The following OSBPL1A variants were observed in gnomAD, a reference collection of about 807,000 sequenced individuals.
The protein encoded by OSBPL1A is oxysterol-binding protein-related protein 1.
In OSBPL1A, 80 loss-of-function variants were observed where a neutral mutation model predicts 137.1. The observed-to-expected ratio is 0.58, with a 90% confidence interval of 0.49 to 0.70. The LOEUF is 0.70. OSBPL1A is among the 30% of genes least tolerant of loss of function. OSBPL1A has a pLI of 0.00. For missense variants in OSBPL1A, 970 were observed against 1,129.4 expected (o/e 0.86, Z 2.02); for synonymous variants, 365 against 389.7 (o/e 0.94, Z 0.75).
At chr18:24,380,809 AGGCATGGT>A (rs1267276475) in intron 1 of OSBPL1A, among the ~76,000 whole-genome samples, 1 of 152,136 alleles carries the variant, frequency 6.6e-6, no homozygotes, top group African/African-American at 2.4e-5. Context: ...AAAATTAGCC[AGGCATGGT>A]GGCACATGCC....
chr18:24,395,834 C>A (rs1907698721), intron 1 of OSBPL1A, among the ~76,000 whole-genome samples: 1 of 150,932 alleles, frequency 6.6e-6, no homozygotes. Context: ...TTTGGCCAGG[C>A]TGCTCTCGAA....
At chr18:24,166,489 C>T in intron 26 of OSBPL1A, 90 bp downstream of exon 26, 7 of 1,454,026 alleles carry the variant, frequency 4.8e-6, no homozygotes, top group South Asian at 1.4e-5. Context: ...ACGCTAGTAC[C>T]CCAATGATGC....
intron 16 of OSBPL1A, among the ~76,000 whole-genome samples, chr18:24,230,755 G>C (rs1240725764): frequency 1.3e-5 from 2 of 152,072 alleles, no homozygotes; most frequent in East Asian, 1.9e-4. Flanking sequence ...GGAAACTTCT[G>C]ACCCCTGAAA....
At position 24,319,475 on chromosome 18, in the gene OSBPL1A, C is replaced by G. The variant is rs1001964744; in HGVS notation, c.626-666G>C. 3.3e-5 allele frequency among the ~76,000 whole-genome samples: 5 copies of G among 152,274 alleles called. No homozygotes were observed. The East Asian group carries it at 7.7e-4, about 24-fold the overall frequency. Reference sequence around the variant, plus strand: ...ATGGGTAGCAGAGATGGCTCACAAGCTGAGGGTGTGATGGTCCACAATTTA... The same window carrying G: ...ATGGGTAGCAGAGATGGCTCACAAGGTGAGGGTGTGATGGTCCACAATTTA... On this transcript the variant is annotated intron_variant, in intron 7 of 27. Coordinates refer to ENST00000319481, the MANE Select transcript of OSBPL1A (RefSeq NM_080597.4).
intron 14 of OSBPL1A, among the ~76,000 whole-genome samples, chr18:24,300,772 C>A (rs927104369): frequency 1.3e-5 from 2 of 152,208 alleles, no homozygotes; most frequent in Non-Finnish European, 1.5e-5. Flanking sequence ...AAGTCACTGG[C>A]AGACTATGTA....
At chr18:24,167,639 C>T (rs1302937066) in intron 24 of OSBPL1A, among the ~76,000 whole-genome samples, 194 bp from the exon 25 acceptor site, 2 of 151,952 alleles carry the variant, frequency 1.3e-5, no homozygotes, top group Admixed American at 6.6e-5. Context: ...GGGAAATGAC[C>T]GATACTCAGT....
In OSBPL1A at chr18:24,225,163, C is replaced by T. The variant is rs780108341; in HGVS notation, c.1480G>A (p.Ala494Thr). Residue 494 changes from alanine (A) to threonine (T), a missense_variant, in exon 17 of 28, where the codon GCA becomes ACA. By Grantham distance (58) the Ala-to-Thr change is moderately conservative. This residue lies in a region of OSBPL1A where 647 missense variants were observed against 672.6 expected (regional missense o/e 0.96). Coordinates refer to ENST00000319481, the MANE Select transcript of OSBPL1A (RefSeq NM_080597.4). ...TCTTCAAAGGAGCGTGCTGTCACTG[C>T]TTCCAATCTACTCAGGGACCTTTCG... The part of the protein sequence containing the change: ...ESERSLSRLE[A>T]VTARSFEEEG... The T allele has an allele frequency of 6.8e-6, 11 of 1,614,136 alleles. No individual in the cohort carries two copies. Among genetic ancestry groups the T allele is most frequent in the African/African-American group, 1.3e-5 (1 of 75,040 alleles).
rs374335398 is a variant in OSBPL1A at position 24,250,223 on chromosome 18, C to G, written c.1282-10841G>C. 5.3e-5 allele frequency among the ~76,000 whole-genome samples: 8 copies of G among 151,652 alleles called. No individual in the cohort carries two copies. The East Asian group carries it at 1.2e-3, about 22-fold the overall frequency. ...ATGGAGTCTCACTCCGTCGCCCAGA[C>G]TGGAGAGCAGTAGTGTGATCTTGGC... On this transcript the variant is annotated intron_variant, in intron 15 of 27. Coordinates refer to ENST00000319481, the MANE Select transcript of OSBPL1A (RefSeq NM_080597.4).
chr18:24,231,438 G>A (rs982292861), intron 16 of OSBPL1A, among the ~76,000 whole-genome samples: 25 of 151,994 alleles, frequency 1.6e-4, no homozygotes, highest in African/African-American at 5.1e-4. Flanking sequence ...GATTACAGGC[G>A]CCCACCACCA....
At chr18:24,330,599 C>T (rs1320175693) in intron 7 of OSBPL1A, among the ~76,000 whole-genome samples, 3 of 150,278 alleles carry the variant, frequency 2.0e-5, no homozygotes, top group Admixed American at 6.6e-5. Flanking sequence ...ATTCTCCTGC[C>T]TCAGCCTCCT....
intron 5 of OSBPL1A, among the ~76,000 whole-genome samples, chr18:24,335,699 A>C (rs1049080408): frequency 1.3e-5 from 2 of 152,204 alleles, no homozygotes; most frequent in Non-Finnish European, 2.9e-5. Flanking sequence ...ACAGAGAAGC[A>C]GGTTGGGGAG....
intron 18 of OSBPL1A, among the ~76,000 whole-genome samples, chr18:24,191,476 A>G (rs567990550): frequency 6.6e-6 from 1 of 152,228 alleles, no homozygotes; most frequent in Non-Finnish European, 1.5e-5. Context: ...TCATTCTAGC[A>G]GCAAGTGATA....
intron 2 of OSBPL1A, among the ~76,000 whole-genome samples, chr18:24,372,516 C>T (rs2146200057): frequency 6.6e-6 from 1 of 152,328 alleles, no homozygotes; most frequent in African/African-American, 2.4e-5. Flanking sequence ...CATGTGTATT[C>T]ACAATGGGTG....
At chr18:24,221,027 C>T (rs563919871) in intron 17 of OSBPL1A, among the ~76,000 whole-genome samples, 252 of 152,148 alleles carry the variant, frequency 1.7e-3, no homozygotes, top group African/African-American at 5.9e-3. Context: ...GTGATCCACC[C>T]GCCTCAGCCT....
intron 15 of OSBPL1A, among the ~76,000 whole-genome samples, chr18:24,262,059 G>C (rs887485036): frequency 6.6e-6 from 1 of 152,106 alleles, no homozygotes; most frequent in Non-Finnish European, 1.5e-5. Context: ...CTCTAAAATA[G>C]CTTTCTGTAT....
rs1194214281 is a variant in OSBPL1A, at chr18:24,271,993, G to C, written c.1281+8849C>G. 2 of 981,652 alleles carry C rather than the reference G, an allele frequency of 2.0e-6. No individual in the cohort carries two copies. The highest frequency in any genetic ancestry group is 2.4e-6 in the Non-Finnish European group (2 of 828,666). 60.8% of individuals were successfully genotyped at this position (981,652 alleles called of 1,614,324 possible). ...CGCGGGGAGAGCGCGGGCGGGCGGCGGCAAGGCCTGCGGCGGGCGGCTCCC... is the reference window on the plus strand; with the variant it reads ...CGCGGGGAGAGCGCGGGCGGGCGGCCGCAAGGCCTGCGGCGGGCGGCTCCC... On this transcript the variant is annotated intron_variant, in intron 15 of 27. Transcript: ENST00000319481. The surrounding 1 kb of genome is among the most constrained non-coding windows in gnomAD (Gnocchi z 4.0).
At chr18:24,229,055 G>A (rs2088185072) in intron 16 of OSBPL1A, among the ~76,000 whole-genome samples, 1 of 152,020 alleles carries the variant, frequency 6.6e-6, no homozygotes, top group South Asian at 2.1e-4. Flanking sequence ...ACAAAAATTA[G>A]CCCGGCATAG....
intron 17 of OSBPL1A, among the ~76,000 whole-genome samples, chr18:24,224,546 T>C (rs570499904): frequency 6.6e-6 from 1 of 152,306 alleles, no homozygotes; most frequent in East Asian, 1.9e-4. Flanking sequence ...ACTAATGTTA[T>C]TAGACAGTAT....
At chr18:24,364,078 A>G (rs2091667862) in intron 4 of OSBPL1A, among the ~76,000 whole-genome samples, 2 of 152,164 alleles carry the variant, frequency 1.3e-5, no homozygotes. Flanking sequence ...GTAATCTAAC[A>G]TATTTACAAG....
Sources: gnomAD v4.1 joint callset for allele counts (sites outside exome capture counted in the v4.1 genomes callset) on GRCh38, gnomAD v4.1.1 for gene constraint, gnomAD v4.1.1 regional missense constraint, Gnocchi (gnomAD v3.1) non-coding constraint, MANE v1.5 for transcripts, NCBI Gene and HGNC (gene_info 2026-07-23, HGNC 2026-07-21) for gene names.